The following DPP10 variants were observed in gnomAD, a reference collection of about 807,000 sequenced individuals.
The protein encoded by DPP10 is inactive dipeptidyl peptidase 10.
In DPP10, 33 loss-of-function variants were observed where a neutral mutation model predicts 120.9. That is an observed-to-expected ratio of 0.27 (90% CI 0.21 to 0.37). The LOEUF (loss-of-function observed/expected upper bound fraction) is 0.37. Ranked by LOEUF, DPP10 falls within the 10% of genes least tolerant of loss-of-function variation. The pLI is 1.00. For missense variants in DPP10, 816 were observed against 942.8 expected (o/e 0.87, Z 1.76); for synonymous variants, 337 against 326.1 (o/e 1.03, Z -0.36).
chr2:114,737,412 G>A (rs749110422), intron 1 of DPP10, among the ~76,000 whole-genome samples: 2 of 152,174 alleles, frequency 1.3e-5, no homozygotes, highest in Non-Finnish European at 2.9e-5. Flanking sequence ...AGCGGTCTGT[G>A]AAAAGGCTAA....
At chr2:115,775,564 A>G (rs1681999078) in intron 13 of DPP10, among the ~76,000 whole-genome samples, 1 of 152,140 alleles carries the variant, frequency 6.6e-6, no homozygotes, top group Non-Finnish European at 1.5e-5. Flanking sequence ...AGGATTTTCC[A>G]CATCAGGGAA....
chr2:115,182,631 A>G (rs2054154494), intron 1 of DPP10, among the ~76,000 whole-genome samples: 2 of 152,192 alleles, frequency 1.3e-5, no homozygotes, highest in South Asian at 4.1e-4. Flanking sequence ...ACTTTAACGC[A>G]AAGTGTAGAT....
intron 3 of DPP10, among the ~76,000 whole-genome samples, chr2:115,475,345 G>C (rs1279385894): frequency 7.2e-5 from 11 of 152,156 alleles, no homozygotes; most frequent in Admixed American, 7.2e-4. Context: ...TGTAAGTATT[G>C]GTGGCTTCCA....
intron 1 of DPP10, among the ~76,000 whole-genome samples, chr2:115,270,141 C>G (rs760610133): frequency 1.7e-4 from 26 of 151,064 alleles, no homozygotes; most frequent in Middle Eastern, 3.4e-3. Context: ...CTTATTTATG[C>G]TGGCAGACTG....
chr2:115,325,165 T>C (rs2062286022), intron 2 of DPP10, among the ~76,000 whole-genome samples: 2 of 152,088 alleles, frequency 1.3e-5, no homozygotes. Context: ...ATGGTGTCAA[T>C]AGGCTTGCTT....
At position 114,599,142 on chromosome 2, in the gene DPP10, T is replaced by C. The variant is rs1206616689; in HGVS notation, c.60+156304T>C. Reference sequence around the variant, plus strand: ...AGGTGTATACATAACTTGTTAGTTATGTTTTGACTGAGAATAAAACTGTTA... The same window carrying C: ...AGGTGTATACATAACTTGTTAGTTACGTTTTGACTGAGAATAAAACTGTTA... On this transcript the variant is annotated intron_variant, in intron 1 of 25. Coordinates refer to ENST00000410059, the MANE Select transcript of DPP10 (RefSeq NM_020868.6). 2.0e-5 allele frequency among the ~76,000 whole-genome samples: 3 copies of C among 151,898 alleles called. No homozygotes were observed. The South Asian group carries it at 6.2e-4, about 31-fold the overall frequency.
intron 1 of DPP10, among the ~76,000 whole-genome samples, chr2:114,964,815 A>G (rs987486211): frequency 6.6e-6 from 1 of 152,212 alleles, no homozygotes; most frequent in Non-Finnish European, 1.5e-5. Context: ...AGTTTGTTAC[A>G]TTGAGAATAG....
intron 3 of DPP10, among the ~76,000 whole-genome samples, chr2:115,400,369 G>T (rs1521071): frequency 0.8 from 121,685 of 152,054 alleles, 48,988 homozygotes; most frequent in Admixed American, 0.85. Flanking sequence ...TTTAAAAAAT[G>T]AATTTATAAT....
intron 5 of DPP10, among the ~76,000 whole-genome samples, chr2:115,634,119 T>C (rs2086123626): frequency 6.6e-6 from 1 of 152,184 alleles, no homozygotes; most frequent in Non-Finnish European, 1.5e-5. Context: ...TATTGTGTTG[T>C]GTTTTTCAGC....
intron 1 of DPP10, among the ~76,000 whole-genome samples, chr2:115,077,439 A>C (rs143500100): frequency 8.5e-5 from 13 of 152,296 alleles, no homozygotes; most frequent in African/African-American, 2.9e-4. Context: ...ACCTCACCGG[A>C]AAACTGGAAA....
intron 1 of DPP10, among the ~76,000 whole-genome samples, chr2:114,816,659 T>G (rs1236777667): frequency 6.6e-6 from 1 of 152,210 alleles, no homozygotes; most frequent in Non-Finnish European, 1.5e-5. Flanking sequence ...ACATCCATTT[T>G]CTGTACCACC....
At chr2:115,021,312 T>A (rs1703058877) in intron 1 of DPP10, among the ~76,000 whole-genome samples, 1 of 152,008 alleles carries the variant, frequency 6.6e-6, no homozygotes, top group South Asian at 2.1e-4. Context: ...TCAAATAAAC[T>A]GAATTAAAAA....
At chr2:114,951,296 G>A (rs1024888985) in intron 1 of DPP10, among the ~76,000 whole-genome samples, 2 of 152,044 alleles carry the variant, frequency 1.3e-5, no homozygotes, top group African/African-American at 4.8e-5. Flanking sequence ...TTTATAATTT[G>A]CTCCATACTA....
intron 1 of DPP10, among the ~76,000 whole-genome samples, chr2:115,123,515 T>C (rs142933028): frequency 1.3e-5 from 2 of 152,174 alleles, no homozygotes; most frequent in African/African-American, 4.8e-5. Flanking sequence ...TAAAGGAAGA[T>C]CATTTACTGG....
chr2:114,883,107 T>C (rs1691780430), intron 1 of DPP10, among the ~76,000 whole-genome samples: 1 of 152,198 alleles, frequency 6.6e-6, no homozygotes, highest in Admixed American at 6.5e-5. Flanking sequence ...TATTGAAAGA[T>C]TTGGGATTAA....
In DPP10 at chr2:114,869,038, A is replaced by G. The variant is rs79320473; in HGVS notation, c.60+426200A>G. On this transcript the variant is annotated intron_variant, in intron 1 of 25. Transcript: ENST00000410059. ...ATGTGTACTGCAGACAGCACTCAGT[A>G]AGTGAAAGTTGCTATTTATTGGATT... is the stretch of plus-strand genomic sequence containing the variant. 2.3e-3 allele frequency among the ~76,000 whole-genome samples: 352 copies of G among 152,288 alleles called. 10 individuals are homozygous for G. The East Asian group carries it at 0.057, about 25-fold the overall frequency.
chr2:115,229,000 T>C (rs1480647124), intron 1 of DPP10, among the ~76,000 whole-genome samples: 4 of 152,160 alleles, frequency 2.6e-5, no homozygotes, highest in Admixed American at 1.3e-4. Context: ...ACCAACAGTG[T>C]ACAAGGGTCC....
rs149556489 is a variant in DPP10 at position 114,833,899 on chromosome 2, G to A, written c.60+391061G>A. ...GGAAGGCACAGGCAAGAATTTGGAT[G>A]ACACATGGTGGTGCTTCTGCCCTTA... On this transcript the variant is annotated intron_variant, in intron 1 of 25. Coordinates refer to ENST00000410059, the MANE Select transcript of DPP10 (RefSeq NM_020868.6). The A allele has an allele frequency of 2.2e-4, 33 of 152,198 alleles. No individual in the cohort carries two copies. In the East Asian group the frequency reaches 6.0e-3, roughly 28 times the overall value. 9.4% of individuals were successfully genotyped at this position (152,198 alleles called of 1,614,324 possible).
chr2:115,187,085 G>A (rs2054509961), intron 1 of DPP10, among the ~76,000 whole-genome samples: 2 of 129,244 alleles, frequency 1.5e-5, no homozygotes, highest in South Asian at 2.6e-4. Flanking sequence ...TCGGGCCTGC[G>A]GACTGCAATG....
Sources: gnomAD v4.1 joint callset for allele counts (sites outside exome capture counted in the v4.1 genomes callset) on GRCh38, gnomAD v4.1.1 for gene constraint, MANE v1.5 for transcripts, NCBI Gene and HGNC (gene_info 2026-07-23, HGNC 2026-07-21) for gene names.